Variants in NEK4 observed in about 807,000 individuals in gnomAD.
NEK4 encodes NIMA related kinase 4.
Under a neutral mutation model 98.4 loss-of-function variants are expected in NEK4, and 86 were observed. That is an observed-to-expected ratio of 0.87 (90% confidence interval 0.73 to 1.05). The LOEUF (loss-of-function observed/expected upper bound fraction) is 1.05, where lower values mean the gene tolerates loss of function less well. Among genes scored for constraint, NEK4 ranks in the 50% least tolerant of loss-of-function variants. The pLI is 0.00. For missense variants in NEK4, 898 were observed against 950.3 expected (o/e 0.94, Z 0.72); for synonymous variants, 328 against 342.2 (o/e 0.96, Z 0.46).
intron 15 of NEK4, chr3:52,733,081 C>T (rs546768783): frequency 5.0e-5 from 9 of 181,654 alleles, no homozygotes; most frequent in East Asian, 3.0e-4. Context: ...TCCCACAAGA[C>T]GACAAAGCAC....
At chr3:52,761,895 A>G (rs1448477531) in intron 5 of NEK4, among the ~76,000 whole-genome samples, 1 of 152,234 alleles carries the variant, frequency 6.6e-6, no homozygotes, top group Non-Finnish European at 1.5e-5. Flanking sequence ...ATAAATGCAT[A>G]CAGGAATAAC....
chr3:52,767,293 A>G (rs956866228), intron 2 of NEK4, among the ~76,000 whole-genome samples: 1 of 152,106 alleles, frequency 6.6e-6, no homozygotes, highest in Non-Finnish European at 1.5e-5. Flanking sequence ...TAAAAAAAAA[A>G]CAATGCTTAC....
In NEK4 at chr3:52,752,933, T is replaced by TATATATACACACACAC. The variant is rs148965312; in HGVS notation, c.964-598_964-597insGTGTGTGTGTATATAT. ...AAAAAAAAAAATATATATATATATATACACACACACACACACACACAATGG... is the reference window on the plus strand; with the variant it reads ...AAAAAAAAAAATATATATATATATATATATATACACACACACACACACACACACACACACACAATGG... On this transcript the variant is annotated intron_variant, in intron 6 of 15. Coordinates refer to ENST00000233027, the MANE Select transcript of NEK4 (RefSeq NM_003157.6). Among the ~76,000 whole-genome samples the TATATATACACACACAC allele has an allele frequency of 2.2e-3, 165 of 75,376 alleles. 6 individuals are homozygous for TATATATACACACACAC. The highest frequency in any genetic ancestry group is 0.016 in the Admixed American group (85 of 5,162). 49.4% of individuals were successfully genotyped at this position (75,376 alleles called of 152,430 possible).
rs775416176 is a variant in NEK4, at chr3:52,741,423, T to C, written c.2081A>G (p.Asp694Gly). The C allele has an allele frequency of 5.6e-6, 9 of 1,598,994 alleles. No homozygotes were observed. The Admixed American group carries it at 1.0e-4, about 18-fold the overall frequency. ...STSSTDKSDGDYGEGKGQTNE... is the reference protein window; with the variant it reads ...STSSTDKSDGGYGEGKGQTNE... ...AACAAGAACTTACCCTTCCCCGTAA[T>C]CCCCATCTGACTTATCAGTTGAACT... The change falls in exon 13 of 16, where the codon GAT becomes GGT. Residue 694 changes from aspartate (D) to glycine (G), a missense_variant. Transcript: ENST00000233027.
At chr3:52,753,221 T>C (rs2154105433) in intron 6 of NEK4, among the ~76,000 whole-genome samples, 1 of 151,816 alleles carries the variant, frequency 6.6e-6, no homozygotes, top group Admixed American at 6.6e-5. Context: ...GAGGATTGCT[T>C]GAGCCGGGAG....
chr3:52,762,161 C>T (rs1448571833), intron 5 of NEK4, among the ~76,000 whole-genome samples: 1 of 152,184 alleles, frequency 6.6e-6, no homozygotes, highest in Non-Finnish European at 1.5e-5. Flanking sequence ...AGTCTTAGAT[C>T]CTGGAACACC....
At chr3:52,755,526 G>GA (rs201075274) in intron 6 of NEK4, among the ~76,000 whole-genome samples, 9 of 149,544 alleles carry the variant, frequency 6.0e-5, no homozygotes, top group East Asian at 5.9e-4. Context: ...ACTACGAATA[G>GA]AAAAAAAAAT....
At chr3:52,713,156 T>TGGAAAGA (rs908829364) in intron 15 of NEK4, among the ~76,000 whole-genome samples, 8 of 152,332 alleles carry the variant, frequency 5.3e-5, no homozygotes, top group African/African-American at 1.7e-4. Context: ...TGTATGCTTG[T>TGGAAAGA]GGAAAGAACT....
chr3:52,759,730 CA>C (rs1164914056), intron 6 of NEK4, among the ~76,000 whole-genome samples: 2 of 152,102 alleles, frequency 1.3e-5, no homozygotes, highest in East Asian at 3.8e-4. Context: ...TTTGACTCAG[CA>C]ATTCCACTGC....
chr3:52,737,559 T>A (rs1449500751), intron 15 of NEK4, 27 bp downstream of exon 15: 3 of 1,611,774 alleles, frequency 1.9e-6, no homozygotes, highest in South Asian at 1.1e-5. Flanking sequence ...AACATAAGCA[T>A]CTTGATACAG....
chr3:52,741,332 A>T (rs1461934734), intron 13 of NEK4, 79 bp downstream of exon 13: 4 of 840,882 alleles, frequency 4.8e-6, no homozygotes, highest in Non-Finnish European at 8.1e-6. Flanking sequence ...TAGAGATCTA[A>T]ATACTACTGA....
At chr3:52,751,714 A>G (rs764018544) in intron 7 of NEK4, among the ~76,000 whole-genome samples, 4 of 152,232 alleles carry the variant, frequency 2.6e-5, no homozygotes, top group Non-Finnish European at 5.9e-5. Context: ...GCAAATCCAT[A>G]GAGACAAATG....
rs368190826 is a variant in NEK4 at position 52,723,763 on chromosome 3, AGAG to A, written c.2434-11897_2434-11895del. On this transcript the variant is annotated intron_variant, in intron 15 of 15. Transcript: ENST00000233027. The stretch of plus-strand genomic sequence containing the variant: ...TAAGCAATGTGGGAGTCCCAGAGAA[AGAG>A]GAGAGAGAGGGGATCAGATAAATGA... Among the ~76,000 whole-genome samples the A allele has an allele frequency of 5.5e-3, 832 of 152,304 alleles. 13 individuals carry two copies. The South Asian group carries it at 0.067, about 12-fold the overall frequency.
In NEK4 at chr3:52,768,539, T is replaced by G; in HGVS notation, c.159A>C (p.Glu53Asp). ...GCTTCAACTGAGACAAGAGCTGGGC[T>G]TCCTGTTCAGCAGCTCGCCGCTCTC... ...SSRERRAAEQ[E>D]AQLLSQLKHP... is the part of the protein sequence containing the mutation. The change falls in exon 2 of 16, where the codon GAA becomes GAC. Residue 53 changes from glutamate to aspartate, a missense_variant. Glu to Asp is a conservative substitution (Grantham distance 45, BLOSUM62 2). Transcript: ENST00000233027. The G allele has an allele frequency of 6.2e-7, 1 of 1,614,194 alleles. No homozygotes were observed. Among genetic ancestry groups the G allele is most frequent in the Non-Finnish European group, 8.5e-7 (1 of 1,179,992 alleles).
At position 52,770,869 on chromosome 3, in the gene NEK4, C is replaced by T. The variant is rs1206013675; in HGVS notation, c.-123G>A. The T allele has an allele frequency of 1.2e-5, 10 of 831,364 alleles. No individual in the cohort carries two copies. The highest frequency in any genetic ancestry group is 4.4e-5 in the Admixed American group (2 of 45,086). 51.5% of individuals were successfully genotyped at this position (831,364 alleles called of 1,614,324 possible). A position where few individuals can be genotyped will look rare whatever the true frequency, so the allele number is the denominator to read the frequency against. On this transcript the variant is annotated 5_prime_UTR_variant, in exon 1 of 16. Coordinates refer to ENST00000233027, the MANE Select transcript of NEK4 (RefSeq NM_003157.6). ...GGGGGCGGCTGTTGAGGCAGCCGGG[C>T]CCGGGCGGGATTGCTGGGGCCCGGC...
In NEK4 at chr3:52,711,830, AAGTT is replaced by A. The variant is rs1314485877; in HGVS notation, c.2469_2472del (p.Tyr825ValfsTer2). 68 of 1,610,868 alleles carry A rather than the reference AAGTT, an allele frequency of 4.2e-5. No homozygotes were observed. Among genetic ancestry groups the A allele is most frequent in the Non-Finnish European group, 5.7e-5 (67 of 1,178,302 alleles). On this transcript the variant is annotated frameshift_variant, in exon 16 of 16. Coordinates refer to ENST00000233027, the MANE Select transcript of NEK4 (RefSeq NM_003157.6). LOFTEE classifies it high-confidence loss of function. ...TTCAACTGGCGAGCTTTCACACTGT[AAGTT>A]GTATACTTTTCACCCATGTGCTCCC...
At chr3:52,730,885 A>G (rs2097368990) in intron 15 of NEK4, among the ~76,000 whole-genome samples, 1 of 152,172 alleles carries the variant, frequency 6.6e-6, no homozygotes, top group Non-Finnish European at 1.5e-5. Context: ...TGGTGGGGGC[A>G]GGAAATGGGG....
intron 15 of NEK4, among the ~76,000 whole-genome samples, chr3:52,731,631 G>C (rs1202782617): frequency 1.3e-5 from 2 of 152,188 alleles, no homozygotes; most frequent in African/African-American, 4.8e-5. Context: ...CATGCCATAC[G>C]CAAGAATTAA....
At position 52,710,734 on chromosome 3, in the gene NEK4, CCTGA is replaced by C. The variant is rs1372171417; in HGVS notation, c.*1039_*1042del. ...TTGAGATCATGCCACTGCACTCCAGCCTGACTGACAGAGTGAAACTCTGTCTCAA... is the reference window on the plus strand; with the variant it reads ...TTGAGATCATGCCACTGCACTCCAGCCTGACAGAGTGAAACTCTGTCTCAA... On this transcript the variant is annotated 3_prime_UTR_variant, in exon 16 of 16. Coordinates refer to ENST00000233027, the MANE Select transcript of NEK4 (RefSeq NM_003157.6). 1 of 152,056 alleles carries C rather than the reference CCTGA, an allele frequency of 6.6e-6. No individual in the cohort carries two copies. Among genetic ancestry groups the C allele is most frequent in the African/African-American group, 2.4e-5 (1 of 41,404 alleles). The allele number at this position is 152,056 out of a possible 1,614,324, so 9.4% of individuals were successfully genotyped here.
Sources: allele counts gnomAD v4.1 joint callset (sites outside exome capture counted in the v4.1 genomes callset), GRCh38; gene constraint gnomAD v4.1.1; transcripts MANE v1.5; gene names NCBI Gene and HGNC (gene_info 2026-07-23, HGNC 2026-07-21).